AEBP2: variants seen among roughly 807,000 people sequenced by gnomAD.
The protein encoded by AEBP2 is AE binding protein 2.
Under a neutral mutation model 50.8 loss-of-function variants are expected in AEBP2, and 10 were observed. The ratio of observed to expected loss-of-function variants is 0.20; its 90% CI spans 0.12 to 0.33. AEBP2 has a LOEUF of 0.33. AEBP2 is among the 10% of genes least tolerant of loss of function. The pLI, the probability that AEBP2 is intolerant of heterozygous loss-of-function variation, is 1.00. For synonymous variants in AEBP2, 296 were observed against 261.3 expected, an observed-to-expected ratio of 1.13 and a Z score of -1.28; for missense variants, 570 against 688.0, an observed-to-expected ratio of 0.83 and a Z score of 1.92.
At chr12:19,473,702 G>C (rs2153372428) in intron 3 of AEBP2, among the ~76,000 whole-genome samples, 1 of 152,226 alleles carries the variant, frequency 6.6e-6, no homozygotes, top group African/African-American at 2.4e-5. Flanking sequence ...CACTGCGCCT[G>C]GCTGTTTTTT....
chr12:19,421,711 A>T (rs2095745897), intron 1 of AEBP2, among the ~76,000 whole-genome samples: 1 of 152,228 alleles, frequency 6.6e-6, no homozygotes, highest in South Asian at 2.1e-4. Context: ...GGGGGCCTGG[A>T]GGCCCCTGAT....
chr12:19,470,273 T>C (rs1948550274), intron 2 of AEBP2, among the ~76,000 whole-genome samples: 2 of 152,080 alleles, frequency 1.3e-5, no homozygotes, highest in Non-Finnish European at 2.9e-5. Flanking sequence ...TTCTCCTGCC[T>C]CAGCCTCCTG....
chr12:19,436,931 TG>T (rs1947866705), upstream of AEBP2, among the ~76,000 whole-genome samples: 1 of 152,110 alleles, frequency 6.6e-6, no homozygotes, highest in Admixed American at 6.5e-5. Context: ...TAAAGGAGAT[TG>T]GAAAGCCTGA....
At chr12:19,449,632 AT>A (rs1200733213) in intron 1 of AEBP2, among the ~76,000 whole-genome samples, 2 of 152,166 alleles carry the variant, frequency 1.3e-5, no homozygotes, top group Non-Finnish European at 2.9e-5. Context: ...CAGAGAAATA[AT>A]TGTGGGGATA....
Position 19,509,139 on chromosome 12 carries a change from G to A in AEBP2, c.1300-3259G>A, listed in dbSNP as rs1192856992. 5.1e-5 allele frequency: 25 copies of A among 486,922 alleles called. No individual in the cohort carries two copies. The South Asian group carries it at 7.1e-4, about 14-fold the overall frequency. 30.2% of individuals were successfully genotyped at this position (486,922 alleles called of 1,614,324 possible). ...AAAGAACATGTCAGCAGGGCCTGTG[G>A]TGGTTCCATGTGTGCTAAATGTGTT... On this transcript the variant is annotated intron_variant, in intron 5 of 7. Transcript: ENST00000266508.
intron 3 of AEBP2, among the ~76,000 whole-genome samples, chr12:19,489,990 CTTTTT>C (rs71067029): frequency 1.0e-4 from 5 of 47,686 alleles, no homozygotes; most frequent in African/African-American, 2.5e-4. Flanking sequence ...TTAAAATAAA[CTTTTT>C]TTTTTTTTTT....
chr12:19,503,347 A>ATG (rs374112477), intron 5 of AEBP2, among the ~76,000 whole-genome samples: 3,212 of 146,846 alleles, frequency 0.022, 42 homozygotes, highest in East Asian at 0.042. Context: ...GTGTGTGTGT[A>ATG]TGTGTGTGTG....
chr12:19,441,986 A>G (rs1947969149), intron 1 of AEBP2, among the ~76,000 whole-genome samples: 1 of 152,216 alleles, frequency 6.6e-6, no homozygotes, highest in Non-Finnish European at 1.5e-5. Flanking sequence ...CTTCTGTTTA[A>G]CAGATGAAGA....
At chr12:19,408,460 A>G (rs1305474307) in intron 1 of AEBP2, among the ~76,000 whole-genome samples, 1 of 151,772 alleles carries the variant, frequency 6.6e-6, no homozygotes, top group Non-Finnish European at 1.5e-5. Flanking sequence ...GAGACAGGAG[A>G]ATCGCTTGAA....
chr12:19,471,967 T>G (rs1948580474), intron 2 of AEBP2, among the ~76,000 whole-genome samples: 1 of 152,242 alleles, frequency 6.6e-6, no homozygotes, highest in Non-Finnish European at 1.5e-5. Context: ...GAGGAAACGT[T>G]ATGACTTCCT....
intron 1 of AEBP2, among the ~76,000 whole-genome samples, chr12:19,428,382 G>A (rs2095749667): frequency 6.6e-6 from 1 of 152,186 alleles, no homozygotes; most frequent in Non-Finnish European, 1.5e-5. Context: ...TCTCCAATGT[G>A]GTGATGGTAT....
intron 3 of AEBP2, among the ~76,000 whole-genome samples, chr12:19,481,112 T>TC: frequency 7.1e-6 from 1 of 140,390 alleles, no homozygotes; most frequent in Non-Finnish European, 1.5e-5. Context: ...TTTTTTTTTT[T>TC]TTTTTTGAGA....
intron 1 of AEBP2, among the ~76,000 whole-genome samples, chr12:19,405,394 C>T (rs1421227294): frequency 1.3e-5 from 2 of 150,946 alleles, no homozygotes; most frequent in Non-Finnish European, 3.0e-5. Flanking sequence ...GGCGCGATCT[C>T]GGCTCACTGC....
chr12:19,416,487 C>T (rs919147926), intron 1 of AEBP2, among the ~76,000 whole-genome samples: 4 of 151,948 alleles, frequency 2.6e-5, no homozygotes, highest in African/African-American at 7.3e-5. Flanking sequence ...CTCACTGCAA[C>T]CTCCGTCTCC....
chr12:19,494,103 A>G (rs1948934687), intron 4 of AEBP2, 117 bp downstream of exon 4: 26 of 1,136,682 alleles, frequency 2.3e-5, no homozygotes, highest in Non-Finnish European at 3.1e-5. Context: ...ACAAACAGGT[A>G]GGATGCCTGT....
intron 1 of AEBP2, among the ~76,000 whole-genome samples, chr12:19,406,954 CTT>C (rs1216929970): frequency 1.3e-5 from 2 of 152,136 alleles, no homozygotes; most frequent in Non-Finnish European, 2.9e-5. Context: ...AAAAGACTAT[CTT>C]TTCTCTATTG....
intron 3 of AEBP2, among the ~76,000 whole-genome samples, chr12:19,484,810 G>A (rs538280745): frequency 6.6e-6 from 1 of 152,024 alleles, no homozygotes; most frequent in Non-Finnish European, 1.5e-5. Context: ...GAAGGAGGTA[G>A]TAAATGAATA....
chr12:19,472,747 T>C (rs1565719943), intron 2 of AEBP2, among the ~76,000 whole-genome samples: 1 of 152,162 alleles, frequency 6.6e-6, no homozygotes, highest in Non-Finnish European at 1.5e-5. Context: ...AGATTGTAAT[T>C]TGATAATTTT....
Position 19,514,702 on chromosome 12 carries a change from C to A in AEBP2, c.1399C>A (p.Arg467=). 6.2e-7 allele frequency: 1 copy of A among 1,609,862 alleles called. No individual in the cohort carries two copies. Among genetic ancestry groups the A allele is most frequent in the Non-Finnish European group, 8.5e-7 (1 of 1,178,130 alleles). The change falls in exon 7 of 8, where the codon CGA becomes AGA. Residue 467 remains arginine, a synonymous_variant. Transcript: ENST00000266508. ...LPDVWVNESE[R]HQLKTKVVHL... ...TGATGTGTGGGTGAATGAAAGTGAA[C>A]GACATCAGTTAAAAACTAAAGTAGT...
Sources: gnomAD v4.1 joint callset for allele counts (sites outside exome capture counted in the v4.1 genomes callset) on GRCh38, gnomAD v4.1.1 for gene constraint, MANE v1.5 for transcripts, NCBI Gene and HGNC (gene_info 2026-07-23, HGNC 2026-07-21) for gene names.